IL17RD: variants seen among roughly 807,000 people sequenced by gnomAD.
The protein encoded by IL17RD is interleukin-17 receptor D.
Under a neutral mutation model 80.5 loss-of-function variants are expected in IL17RD, and 52 were observed. That is an observed-to-expected ratio of 0.65 (90% CI 0.52 to 0.81). IL17RD has a LOEUF of 0.81. IL17RD is among the 40% of genes least tolerant of loss of function. The pLI is 0.00. For synonymous variants in IL17RD, 416 were observed against 391.8 expected, an observed-to-expected ratio of 1.06 and a Z score of -0.73; for missense variants, 1,024 against 955.1, an observed-to-expected ratio of 1.07 and a Z score of -0.95.
At chr3:57,121,398 C>A (rs1054092877) in intron 1 of IL17RD, among the ~76,000 whole-genome samples, 8 of 152,162 alleles carry the variant, frequency 5.3e-5, no homozygotes, top group Non-Finnish European at 1.2e-4. Flanking sequence ...CCAGGCACAC[C>A]CACTGAAAGT....
intron 1 of IL17RD, among the ~76,000 whole-genome samples, chr3:57,144,314 C>T (rs371284548): frequency 6.6e-6 from 1 of 152,154 alleles, no homozygotes; most frequent in African/African-American, 2.4e-5. Context: ...CTTCCCTAGC[C>T]GCTCACCATC....
chr3:57,144,283 T>A (rs1342863476), intron 1 of IL17RD, among the ~76,000 whole-genome samples: 1 of 152,216 alleles, frequency 6.6e-6, no homozygotes, highest in Admixed American at 6.5e-5. Context: ...GTTGCCCTTT[T>A]GGTCTCTGAA....
intron 1 of IL17RD, among the ~76,000 whole-genome samples, chr3:57,132,426 C>T (rs1559479196): frequency 6.6e-6 from 1 of 152,164 alleles, no homozygotes; most frequent in Non-Finnish European, 1.5e-5. Flanking sequence ...CACCACTGCA[C>T]TCTAGCCTGG....
At chr3:57,120,334 A>G in intron 1 of IL17RD, 21 bp from the exon 2 acceptor site, 2 of 1,606,832 alleles carry the variant, frequency 1.2e-6, no homozygotes, top group Non-Finnish European at 1.7e-6. Context: ...ACAAGAGAAC[A>G]TGATGCAGAG....
rs1706669543 is a variant in IL17RD, at chr3:57,096,303, C to G, written c.*90G>C. The stretch of plus-strand genomic sequence containing the variant: ...CAAATATCCTTGTATGAGACCTCAG[C>G]TCCAAGTGGGCCATGCAACCAGGGA... On this transcript the variant is annotated 3_prime_UTR_variant, in exon 13 of 13. Transcript: ENST00000296318. 2.3e-6 allele frequency: 2 copies of G among 863,196 alleles called. No individual in the cohort carries two copies. Among genetic ancestry groups the G allele is most frequent in the Non-Finnish European group, 4.0e-6 (2 of 498,432 alleles). 53.5% of individuals were successfully genotyped at this position (863,196 alleles called of 1,614,324 possible).
At chr3:57,135,964 G>C (rs531728649) in intron 1 of IL17RD, among the ~76,000 whole-genome samples, 1 of 152,280 alleles carries the variant, frequency 6.6e-6, no homozygotes, top group East Asian at 1.9e-4. Flanking sequence ...TATCCTAAAC[G>C]CTGTTCTGCA....
intron 1 of IL17RD, among the ~76,000 whole-genome samples, chr3:57,159,484 C>T (rs1036640626): frequency 1.3e-5 from 2 of 152,172 alleles, no homozygotes; most frequent in East Asian, 1.9e-4. Flanking sequence ...CCGGAGGAGA[C>T]AATGTGTTTC....
chr3:57,131,276 G>T (rs1301785011), intron 1 of IL17RD, among the ~76,000 whole-genome samples: 1 of 152,134 alleles, frequency 6.6e-6, no homozygotes, highest in Non-Finnish European at 1.5e-5. Context: ...TCTACAGAAA[G>T]AGCCTCCAAA....
At chr3:57,170,293 AAAG>A (rs746997957), upstream of IL17RD, 32 of 152,388 alleles carry the variant, frequency 2.1e-4, no homozygotes, top group Middle Eastern at 3.4e-3. Context: ...TCCCGGAGGA[AAAG>A]AAGAGCGGAT....
chr3:57,105,851 G>C lies in IL17RD; in HGVS notation c.747+6C>G. 3 of 1,612,920 alleles carry C rather than the reference G, an allele frequency of 1.9e-6. No individual in the cohort carries two copies. The highest frequency in any genetic ancestry group is 1.7e-6 in the Non-Finnish European group (2 of 1,179,428). ...AGTGTTCCTTTATATACACCCAGCA[G>C]CTCACCTGCTTACAGGTCTTTCGCT... On this transcript the variant is annotated splice_donor_region_variant and intron_variant, in intron 7 of 12. Transcript: ENST00000296318.
chr3:57,100,710 T>C (rs1706807916), intron 11 of IL17RD, among the ~76,000 whole-genome samples: 1 of 152,154 alleles, frequency 6.6e-6, no homozygotes, highest in Non-Finnish European at 1.5e-5. Context: ...AGATCCCCTC[T>C]AATGGCAGCC....
At position 57,127,369 on chromosome 3, in the gene IL17RD, T is replaced by TATATATAA. The variant is rs1707510958; in HGVS notation, c.127-7057_127-7056insTTATATAT. On this transcript the variant is annotated intron_variant, in intron 1 of 12. Coordinates refer to ENST00000296318, the MANE Select transcript of IL17RD (RefSeq NM_017563.5). ...ATATAAATATATATAAATATAAATA[T>TATATATAA]ATATATATAAATAAATAAATAAATA... 2.7e-4 allele frequency among the ~76,000 whole-genome samples: 23 copies of TATATATAA among 85,900 alleles called. 6 individuals carry two copies. Among genetic ancestry groups the TATATATAA allele is most frequent in the African/African-American group, 1.6e-3 (22 of 13,470 alleles). The allele number at this position is 85,900 out of a possible 152,430, so 56.4% of individuals were successfully genotyped here.
intron 3 of IL17RD, among the ~76,000 whole-genome samples, chr3:57,111,041 G>A (rs1707085767): frequency 6.6e-6 from 1 of 152,230 alleles, no homozygotes; most frequent in African/African-American, 2.4e-5. Flanking sequence ...AAAGGATTAA[G>A]CTCTGACGGT....
In IL17RD at chr3:57,134,518, A is replaced by G. The variant is rs150409614; in HGVS notation, c.127-14205T>C. ...TATCACAGCCTGTACCTGAAGGTGA[A>G]GGGGAATGTGTTCAAAAACAAGTGG... On this transcript the variant is annotated intron_variant, in intron 1 of 12. Transcript: ENST00000296318. 2,415 of 1,312,544 alleles carry G rather than the reference A, an allele frequency of 1.8e-3. 39 individuals carry two copies. In the African/African-American group the frequency reaches 0.031, roughly 17 times the overall value. 81.3% of individuals were successfully genotyped at this position (1,312,544 alleles called of 1,614,324 possible).
At chr3:57,128,365 T>C (rs1295810626) in intron 1 of IL17RD, among the ~76,000 whole-genome samples, 1 of 152,206 alleles carries the variant, frequency 6.6e-6, no homozygotes, top group Non-Finnish European at 1.5e-5. Context: ...GACATGTTGC[T>C]AATCAGCACA....
At position 57,092,753 on chromosome 3, in the gene IL17RD, G is replaced by A. The variant is rs538089050; in HGVS notation, c.*3640C>T. 4 of 152,234 alleles carry A rather than the reference G, an allele frequency of 2.6e-5. No individual in the cohort carries two copies. The highest frequency in any genetic ancestry group is 4.1e-4 in the South Asian group (2 of 4,826). The allele number at this position is 152,234 out of a possible 1,614,324, so 9.4% of individuals were successfully genotyped here. On this transcript the variant is annotated 3_prime_UTR_variant, in exon 13 of 13. Transcript: ENST00000296318. ...TCAGAATCACGTCAAATTTCTTTGCGGGGGAGACTGGAGAAAGAAGCAATC... is the reference window on the plus strand; with the variant it reads ...TCAGAATCACGTCAAATTTCTTTGCAGGGGAGACTGGAGAAAGAAGCAATC...
At chr3:57,144,276 G>T (rs1707884501) in intron 1 of IL17RD, among the ~76,000 whole-genome samples, 1 of 152,082 alleles carries the variant, frequency 6.6e-6, no homozygotes, top group South Asian at 2.1e-4. Flanking sequence ...ACACACAGTT[G>T]CCCTTTTGGT....
At position 57,101,159 on chromosome 3, in the gene IL17RD, A is replaced by T. The variant is rs1706817748; in HGVS notation, c.1164+20T>A. 6.2e-7 allele frequency: 1 copy of T among 1,608,232 alleles called. No homozygotes were observed. The highest frequency in any genetic ancestry group is 1.3e-5 in the African/African-American group (1 of 74,824). ...CAAGTGTCCTGGCCAGGGTAGGAGA[A>T]GGAACTTTAGATTCCGCACCTCACA... On this transcript the variant is annotated intron_variant, in intron 11 of 12. Transcript: ENST00000296318.
chr3:57,152,124 T>C (rs886962735), intron 1 of IL17RD, among the ~76,000 whole-genome samples: 9 of 152,036 alleles, frequency 5.9e-5, no homozygotes, highest in Admixed American at 4.6e-4. Flanking sequence ...AGCATAGCCA[T>C]AGAAACAAGA....
Sources: gnomAD v4.1 joint callset for allele counts (sites outside exome capture counted in the v4.1 genomes callset) on GRCh38, gnomAD v4.1.1 for gene constraint, MANE v1.5 for transcripts, NCBI Gene and HGNC (gene_info 2026-07-23, HGNC 2026-07-21) for gene names.